Variants in LDLRAD4 observed in about 807,000 individuals in gnomAD.
The protein encoded by LDLRAD4 is low density lipoprotein receptor class A domain containing 4, also known as low-density lipoprotein receptor class A domain-containing protein 4.
A neutral mutation model predicts 17.0 loss-of-function variants in LDLRAD4; 5 were observed. The observed-to-expected ratio is 0.29, with a 90% CI of 0.15 to 0.62. The LOEUF (loss-of-function observed/expected upper bound fraction) is 0.62. LDLRAD4 is among the 20% of genes least tolerant of loss of function. LDLRAD4 has a pLI of 0.84. For synonymous variants in LDLRAD4, 168 were observed against 171.8 expected (o/e 0.98, Z 0.17); for missense variants, 340 against 424.7 (o/e 0.80, Z 1.75).
chr18:13,271,475 T>A (rs1053545579), intron 1 of LDLRAD4, among the ~76,000 whole-genome samples: 1 of 152,140 alleles, frequency 6.6e-6, no homozygotes, highest in Non-Finnish European at 1.5e-5. Flanking sequence ...TCTTTTTGAG[T>A]CTGCCGAAGG....
chr18:13,236,307 C>CTTTTT (rs777785875), intron 1 of LDLRAD4: 5,037 of 113,028 alleles, frequency 0.045, 363 homozygotes, highest in East Asian at 0.26. Flanking sequence ...AATAGAAAAA[C>CTTTTT]TTTTTTTTTT....
At chr18:13,558,985 G>T (rs1326902507) in intron 3 of LDLRAD4, among the ~76,000 whole-genome samples, 1 of 150,836 alleles carries the variant, frequency 6.6e-6, no homozygotes, top group Non-Finnish European at 1.5e-5. Flanking sequence ...AATGCGACTC[G>T]CAGGCACTGA....
upstream of LDLRAD4, among the ~76,000 whole-genome samples, chr18:13,276,961 C>G (rs896396968): frequency 6.6e-6 from 1 of 152,120 alleles, no homozygotes; most frequent in African/African-American, 2.4e-5. Context: ...GAGAGCAGCC[C>G]CAGTGGAGGA....
At chr18:13,494,729 G>GT (rs2093430702) in intron 3 of LDLRAD4, among the ~76,000 whole-genome samples, 9 of 66,554 alleles carry the variant, frequency 1.4e-4, no homozygotes, top group African/African-American at 4.7e-4. Context: ...CATACACATT[G>GT]AATAAATGAC....
intron 3 of LDLRAD4, among the ~76,000 whole-genome samples, chr18:13,445,403 TGTG>T (rs566376152): frequency 1.5e-4 from 23 of 151,970 alleles, no homozygotes; most frequent in Admixed American, 7.2e-4. Context: ...TGTGACTCCA[TGTG>T]GTGTGTGCAT....
chr18:13,481,907 G>A (rs1043699817), intron 3 of LDLRAD4, among the ~76,000 whole-genome samples: 4 of 152,136 alleles, frequency 2.6e-5, no homozygotes, highest in African/African-American at 2.4e-5. Context: ...GGCAGGAGGG[G>A]GAAGGCAGAA....
At chr18:13,525,301 C>T (rs2094012975) in intron 3 of LDLRAD4, among the ~76,000 whole-genome samples, 1 of 152,114 alleles carries the variant, frequency 6.6e-6, no homozygotes. Flanking sequence ...TCTGGGAGAA[C>T]GAAGAGCATA....
At chr18:13,466,641 A>G (rs1276206285) in intron 3 of LDLRAD4, among the ~76,000 whole-genome samples, 1 of 152,194 alleles carries the variant, frequency 6.6e-6, no homozygotes, top group Non-Finnish European at 1.5e-5. Context: ...AACTTCTTCA[A>G]CAAGATAAAA....
rs1555750703 is a variant in LDLRAD4 at position 13,576,437 on chromosome 18, A to AAAAAAAG, written c.182-44677_182-44676insAAAGAAA. Among the ~76,000 whole-genome samples, 232 of 83,632 alleles carry AAAAAAAG rather than the reference A, an allele frequency of 2.8e-3. 1 individual carries two copies. Among genetic ancestry groups the AAAAAAAG allele is most frequent in the African/African-American group, 6.7e-3 (219 of 32,652 alleles). 54.9% of individuals were successfully genotyped at this position (83,632 alleles called of 152,430 possible). A position where few individuals can be genotyped will look rare whatever the true frequency, so the allele number is the denominator to read the frequency against. ...ACTCTGTCTCAAAAAAAAAAAAAAA[A>AAAAAAAG]AAAGAAAGAAAGAAAGAAAGAAATA... On this transcript the variant is annotated intron_variant, in intron 3 of 5. Transcript: ENST00000359446.
intron 3 of LDLRAD4, among the ~76,000 whole-genome samples, chr18:13,619,525 C>T (rs567454813): frequency 0.024 from 1,742 of 71,766 alleles, 12 homozygotes; most frequent in Non-Finnish European, 0.038. Flanking sequence ...CGGGGGGGGG[C>T]GGGGGTGGCA....
At chr18:13,348,511 T>A (rs1307878539) in intron 1 of LDLRAD4, among the ~76,000 whole-genome samples, 1 of 152,152 alleles carries the variant, frequency 6.6e-6, no homozygotes, top group Non-Finnish European at 1.5e-5. Context: ...TTAGGCTACT[T>A]GGCGGTCAGG....
intron 3 of LDLRAD4, among the ~76,000 whole-genome samples, chr18:13,506,436 G>A (rs887911402): frequency 2.9e-5 from 4 of 138,436 alleles, no homozygotes; most frequent in African/African-American, 1.1e-4. Flanking sequence ...CTTCCAGCAG[G>A]ACTTTTTATT....
chr18:13,303,116 G>A (rs994920586), intron 1 of LDLRAD4, among the ~76,000 whole-genome samples: 5 of 152,252 alleles, frequency 3.3e-5, no homozygotes, highest in African/African-American at 1.2e-4. Flanking sequence ...TGCCCACAGG[G>A]AAGGCACCGG....
chr18:13,298,885 C>CT (rs2046426213), intron 1 of LDLRAD4, among the ~76,000 whole-genome samples: 1 of 152,248 alleles, frequency 6.6e-6, no homozygotes, highest in East Asian at 1.9e-4. Context: ...CATGCGTAGT[C>CT]TGACCATGTG....
intron 1 of LDLRAD4, among the ~76,000 whole-genome samples, chr18:13,369,276 A>G (rs1468772530): frequency 6.6e-6 from 1 of 152,208 alleles, no homozygotes; most frequent in African/African-American, 2.4e-5. Flanking sequence ...CTGGAGGTGT[A>G]GGAATGAAAC....
At chr18:13,450,569 G>T (rs538878264) in intron 3 of LDLRAD4, among the ~76,000 whole-genome samples, 39 of 152,336 alleles carry the variant, frequency 2.6e-4, no homozygotes, top group African/African-American at 9.1e-4. Flanking sequence ...CATGGGCTGG[G>T]CTCTATGGGC....
chr18:13,223,537 C>T (rs2041582137), intron 1 of LDLRAD4, among the ~76,000 whole-genome samples: 1 of 152,086 alleles, frequency 6.6e-6, no homozygotes, highest in African/African-American at 2.4e-5. Flanking sequence ...AGTCCGTGGC[C>T]CCAGGGGCCA....
Position 13,442,573 on chromosome 18 carries a change from C to T in LDLRAD4, c.181+4189C>T, listed in dbSNP as rs537358084. On this transcript the variant is annotated intron_variant, in intron 3 of 5. Coordinates refer to ENST00000359446, the Ensembl canonical transcript of LDLRAD4. ...CAGAAGCCAATGTATAAGGCTGCACCTCCTGCCCTGGTCCTAGGACGGGCC... is the reference window on the plus strand; with the variant it reads ...CAGAAGCCAATGTATAAGGCTGCACTTCCTGCCCTGGTCCTAGGACGGGCC... 1.6e-4 allele frequency among the ~76,000 whole-genome samples: 24 copies of T among 152,342 alleles called. No individual in the cohort carries two copies. The South Asian group carries it at 2.3e-3, about 14-fold the overall frequency.
intron 1 of LDLRAD4, among the ~76,000 whole-genome samples, chr18:13,386,408 G>A (rs941571105): frequency 6.7e-6 from 1 of 149,988 alleles, no homozygotes; most frequent in East Asian, 2.0e-4. Context: ...TGCTCTTGTT[G>A]CCCAGGCTGG....
Sources: allele counts gnomAD v4.1 joint callset (sites outside exome capture counted in the v4.1 genomes callset), GRCh38; gene constraint gnomAD v4.1.1; transcripts MANE v1.5; gene names NCBI Gene and HGNC (gene_info 2026-07-23, HGNC 2026-07-21).